Variants in ACAP2 observed in about 807,000 individuals in gnomAD.
The protein encoded by ACAP2 is arf-GAP with coiled-coil, ANK repeat and PH domain-containing protein 2.
A neutral mutation model predicts 115.8 loss-of-function variants in ACAP2; 39 were observed. That is an observed-to-expected ratio of 0.34 (90% CI 0.26 to 0.44). The LOEUF (loss-of-function observed/expected upper bound fraction) is 0.44. ACAP2 is among the 20% of genes least tolerant of loss of function. The probability of loss-of-function intolerance (pLI) is 1.00; values close to 1 mark genes in which losing one functional copy is unlikely to be tolerated. For missense variants in ACAP2, 662 were observed against 927.6 expected (o/e 0.71, Z 3.72); for synonymous variants, 289 against 315.8 (o/e 0.92, Z 0.90).
intron 14 of ACAP2, 124 bp from the exon 15 acceptor site, chr3:195,301,768 CT>C: frequency 8.8e-7 from 1 of 1,130,578 alleles, no homozygotes; most frequent in Non-Finnish European, 1.3e-6. Flanking sequence ...CACAGATCTT[CT>C]GTTTAATAAT....
intron 10 of ACAP2, among the ~76,000 whole-genome samples, chr3:195,316,230 TG>T (rs563673972): frequency 1.2e-3 from 187 of 151,732 alleles, no homozygotes; most frequent in African/African-American, 4.2e-3. Flanking sequence ...ACTTCTACTC[TG>T]GCTACAGAAA....
At position 195,274,801 on chromosome 3, in the gene ACAP2, T is replaced by C. The variant is rs1726138193; in HGVS notation, c.*4527A>G. 6.6e-6 allele frequency: 1 copy of C among 152,616 alleles called. No homozygotes were observed. The highest frequency in any genetic ancestry group is 2.4e-5 in the African/African-American group (1 of 41,446). The allele number at this position is 152,616 out of a possible 1,614,324, so 9.5% of individuals were successfully genotyped here. A position where few individuals can be genotyped will look rare whatever the true frequency, so the allele number is the denominator to read the frequency against. ...TGTAATTTTTTGGCATACAAATTAC[T>C]TAAGTATATTTACAATTCTTACATA... On this transcript the variant is annotated 3_prime_UTR_variant, in exon 23 of 23. Transcript: ENST00000326793.
intron 13 of ACAP2, among the ~76,000 whole-genome samples, chr3:195,303,589 GTACATAAA>G (rs77272089): frequency 0.013 from 1,955 of 151,688 alleles, 20 homozygotes; most frequent in Non-Finnish European, 0.02. Flanking sequence ...TCCATCATAT[GTACATAAA>G]TACATACATA....
In ACAP2 at chr3:195,275,644, A is replaced by G. The variant is rs968299860; in HGVS notation, c.*3684T>C. The G allele has an allele frequency of 6.6e-6, 1 of 152,176 alleles. No homozygotes were observed. Among genetic ancestry groups the G allele is most frequent in the Non-Finnish European group, 1.5e-5 (1 of 68,022 alleles). 9.4% of individuals were successfully genotyped at this position (152,176 alleles called of 1,614,324 possible). ...ACTGGTGGTCAGTCAGACCTGGGTAATGGTGCCAATTCTGCCACCAGCTAG... is the reference window on the plus strand; with the variant it reads ...ACTGGTGGTCAGTCAGACCTGGGTAGTGGTGCCAATTCTGCCACCAGCTAG... On this transcript the variant is annotated 3_prime_UTR_variant, in exon 23 of 23. Transcript: ENST00000326793.
chr3:195,436,987 C>T (rs1455141738), intron 1 of ACAP2, among the ~76,000 whole-genome samples: 1 of 152,198 alleles, frequency 6.6e-6, no homozygotes, highest in East Asian at 1.9e-4. Flanking sequence ...CAAAAGCCAG[C>T]TTTTAAATTT....
chr3:195,405,179 C>T (rs1400175650), intron 1 of ACAP2, among the ~76,000 whole-genome samples: 1 of 152,268 alleles, frequency 6.6e-6, no homozygotes, highest in East Asian at 1.9e-4. Flanking sequence ...AGACAAGGTA[C>T]GGACAGATCG....
intron 1 of ACAP2, among the ~76,000 whole-genome samples, chr3:195,440,569 A>C (rs1233411933): frequency 2.0e-5 from 3 of 152,242 alleles, no homozygotes; most frequent in Admixed American, 1.3e-4. Context: ...CAGCTGCCTT[A>C]CTACCAAAAA....
chr3:195,434,546 G>GT (rs201563538), intron 1 of ACAP2, among the ~76,000 whole-genome samples: 1,840 of 152,224 alleles, frequency 0.012, 30 homozygotes, highest in African/African-American at 0.04. Flanking sequence ...GGTCTGTAGG[G>GT]TTTTTTTGTG....
At position 195,291,720 on chromosome 3, in the gene ACAP2, G is replaced by C; in HGVS notation, c.2049C>G (p.Val683=). Residue 683 remains valine, a synonymous_variant, in exon 20 of 23, where the codon GTC becomes GTG. Transcript: ENST00000326793. ...ACTGCAGTTACCCTGTGTGCCCTAAGACGGTGGCATGGTGCAATGGTCCCC... is the reference window on the plus strand; with the variant it reads ...ACTGCAGTTACCCTGTGTGCCCTAACACGGTGGCATGGTGCAATGGTCCCC... ...QGRGPLHHAT[V]LGHTGQVCLF... 6.2e-7 allele frequency: 1 copy of C among 1,613,702 alleles called. No homozygotes were observed. The highest frequency in any genetic ancestry group is 8.5e-7 in the Non-Finnish European group (1 of 1,179,840).
At chr3:195,284,019 A>G (rs1726680119) in intron 22 of ACAP2, among the ~76,000 whole-genome samples, 1 of 152,184 alleles carries the variant, frequency 6.6e-6, no homozygotes, top group South Asian at 2.1e-4. Flanking sequence ...GCAGACACCC[A>G]AACAATTTGG....
At chr3:195,342,387 A>C (rs778122377) in intron 6 of ACAP2, 84 bp downstream of exon 6, 24 of 1,321,572 alleles carry the variant, frequency 1.8e-5, no homozygotes, top group Non-Finnish European at 2.1e-5. Flanking sequence ...AAAAGTATTT[A>C]TTCTTCTTAG....
chr3:195,425,353 T>C (rs1714604151), intron 1 of ACAP2, among the ~76,000 whole-genome samples: 1 of 152,196 alleles, frequency 6.6e-6, no homozygotes, highest in Non-Finnish European at 1.5e-5. Flanking sequence ...TCATCAATTG[T>C]ACAATAACAG....
intron 1 of ACAP2, among the ~76,000 whole-genome samples, chr3:195,432,396 T>C (rs1715197051): frequency 6.6e-6 from 1 of 152,216 alleles, no homozygotes; most frequent in Non-Finnish European, 1.5e-5. Flanking sequence ...AACTTCATAC[T>C]TTCACGTGTG....
intron 1 of ACAP2, among the ~76,000 whole-genome samples, chr3:195,402,243 T>C (rs1244403613): frequency 6.6e-6 from 1 of 152,160 alleles, no homozygotes; most frequent in Non-Finnish European, 1.5e-5. Context: ...CTCTGTTATT[T>C]GCGGCCTGGG....
chr3:195,402,291 C>T (rs978151300), intron 1 of ACAP2, among the ~76,000 whole-genome samples: 2 of 152,088 alleles, frequency 1.3e-5, no homozygotes, highest in African/African-American at 4.8e-5. Flanking sequence ...TCTCAGTACA[C>T]ACGTACTTAT....
intron 1 of ACAP2, among the ~76,000 whole-genome samples, chr3:195,432,773 G>A (rs1280830060): frequency 1.3e-5 from 2 of 152,068 alleles, no homozygotes; most frequent in Non-Finnish European, 2.9e-5. Flanking sequence ...ATCAATTTGG[G>A]GAATATTGCC....
chr3:195,437,324 AAGCTACTGCACCC>A (rs1410343219), intron 1 of ACAP2, among the ~76,000 whole-genome samples: 1 of 152,138 alleles, frequency 6.6e-6, no homozygotes, highest in Admixed American at 6.6e-5. Context: ...ATTATAGCAT[AAGCTACTGCACCC>A]AGCCTAACAA....
intron 1 of ACAP2, among the ~76,000 whole-genome samples, chr3:195,427,079 A>C (rs1392799809): frequency 6.6e-6 from 1 of 152,180 alleles, no homozygotes; most frequent in Non-Finnish European, 1.5e-5. Context: ...CATTATCACA[A>C]GGGTCCTTAT....
intron 15 of ACAP2, 83 bp from the exon 16 acceptor site, chr3:195,297,364 G>T: frequency 8.3e-7 from 1 of 1,207,752 alleles, no homozygotes; most frequent in Non-Finnish European, 1.2e-6. Flanking sequence ...CTTTAAGCAA[G>T]TACAGTTAAC....
Sources: gnomAD v4.1 joint callset for allele counts (sites outside exome capture counted in the v4.1 genomes callset) on GRCh38, gnomAD v4.1.1 for gene constraint, MANE v1.5 for transcripts, NCBI Gene and HGNC (gene_info 2026-07-23, HGNC 2026-07-21) for gene names.